WDHD1: variants seen among roughly 807,000 people sequenced by gnomAD.
WDHD1 encodes the protein WD repeat and HMG-box DNA-binding protein 1.
A neutral mutation model predicts 135.4 loss-of-function variants in WDHD1; 111 were observed. The observed-to-expected ratio is 0.82, with a 90% CI of 0.70 to 0.96. The LOEUF (loss-of-function observed/expected upper bound fraction) is 0.96. Among genes scored for constraint, WDHD1 ranks in the 40% least tolerant of loss-of-function variants. WDHD1 has a pLI of 0.00. For synonymous variants in WDHD1, 434 were observed against 439.0 expected, an observed-to-expected ratio of 0.99 and a Z score of 0.14; for missense variants, 1,351 against 1,336.3, an observed-to-expected ratio of 1.01 and a Z score of -0.17.
chr14:54,973,918 T>A (rs765182371), intron 16 of WDHD1, among the ~76,000 whole-genome samples: 3 of 152,164 alleles, frequency 2.0e-5, no homozygotes, highest in Non-Finnish European at 4.4e-5. Context: ...CATTTTTTTA[T>A]CCTTTCCTTA....
At chr14:54,976,074 C>T (rs987448975) in intron 16 of WDHD1, among the ~76,000 whole-genome samples, 1 of 152,092 alleles carries the variant, frequency 6.6e-6, no homozygotes, top group African/African-American at 2.4e-5. Flanking sequence ...AGGATTTCAG[C>T]CAGGATACCA....
intron 4 of WDHD1, 84 bp from the exon 5 acceptor site, chr14:55,008,803 T>A: frequency 9.0e-7 from 1 of 1,116,286 alleles, no homozygotes; most frequent in Non-Finnish European, 1.3e-6. Flanking sequence ...ATTTCTTTTT[T>A]TTTTTTTTTC....
chr14:54,975,747 C>A (rs1254439729), intron 16 of WDHD1, among the ~76,000 whole-genome samples: 1 of 151,826 alleles, frequency 6.6e-6, no homozygotes, highest in East Asian at 1.9e-4. Context: ...CCCAGGCTGT[C>A]TGCAAACTCC....
chr14:54,941,595 G>A lies in WDHD1; in HGVS notation c.3285C>T (p.Asn1095=). Residue 1095 remains asparagine, a synonymous_variant, in exon 26 of 26, where the codon AAC becomes AAT. Transcript: ENST00000360586. ...GGTTCTCTTTTGCTTTTTCTTCCTG[G>A]TTTTCTGTTTCATCACTTTCATCAA... ...RVVDESDETE[N]QEEKAKENLN... 6.2e-7 allele frequency: 1 copy of A among 1,613,782 alleles called. No homozygotes were observed. The highest frequency in any genetic ancestry group is 8.5e-7 in the Non-Finnish European group (1 of 1,179,912).
chr14:54,962,643 A>C (rs1232345207), intron 20 of WDHD1, 92 bp from the exon 21 acceptor site: 1 of 1,535,624 alleles, frequency 6.5e-7, no homozygotes, highest in Non-Finnish European at 9.0e-7. Context: ...GTCTGAAAAA[A>C]AGTATGAGTA....
chr14:55,000,644 C>A lies in WDHD1; in HGVS notation c.801G>T (p.Arg267Ser), dbSNP rs769556220. 1.3e-6 allele frequency: 2 copies of A among 1,533,216 alleles called. No individual in the cohort carries two copies. The highest frequency in any genetic ancestry group is 1.3e-5 in the South Asian group (1 of 74,458). The allele number at this position is 1,533,216 out of a possible 1,614,324, so 95.0% of individuals were successfully genotyped here. Residue 267 changes from arginine (R) to serine (S), a missense_variant and splice_region_variant, in exon 10 of 26, where the codon AGG (arginine) becomes AGT (serine). Transcript: ENST00000360586. ...TTGCATAACCTTTCTCATGTTTCAC[C>A]CTAAAAATTAAAAAGTAGGTTCTAA... is the stretch of plus-strand genomic sequence containing the variant. ...WNVETKDCME[R>S]VKHEKGYAIC...
chr14:54,974,303 T>C (rs2041486733), intron 16 of WDHD1, among the ~76,000 whole-genome samples: 1 of 151,750 alleles, frequency 6.6e-6, no homozygotes, highest in Admixed American at 6.6e-5. Context: ...CATGGCAGCA[T>C]GGACCTGTAG....
In WDHD1 at chr14:54,940,300, C is replaced by T. The variant is rs2040820333; in HGVS notation, c.*1190G>A. The stretch of plus-strand genomic sequence containing the variant: ...AACCTAGGTAATCTGGCTTTGGAAT[C>T]TGTGCTCATAACCACTGTGCTATAA... On this transcript the variant is annotated 3_prime_UTR_variant, in exon 26 of 26. Transcript: ENST00000360586. 6.6e-6 allele frequency: 1 copy of T among 152,164 alleles called. No homozygotes were observed. Among genetic ancestry groups the T allele is most frequent in the African/African-American group, 2.4e-5 (1 of 41,450 alleles). The allele number at this position is 152,164 out of a possible 1,614,324, so 9.4% of individuals were successfully genotyped here.
intron 11 of WDHD1, among the ~76,000 whole-genome samples, chr14:54,992,718 C>A (rs1319444029): frequency 6.6e-6 from 1 of 151,960 alleles, no homozygotes; most frequent in Non-Finnish European, 1.5e-5. Flanking sequence ...ATTTCAAGAC[C>A]AGCCTGGGCA....
intron 24 of WDHD1, among the ~76,000 whole-genome samples, chr14:54,947,656 A>G (rs1228948728): frequency 1.3e-5 from 2 of 151,972 alleles, no homozygotes; most frequent in African/African-American, 4.8e-5. Context: ...CAGTGGCACA[A>G]TCTTGGCTCA....
At chr14:54,958,148 C>T (rs1025544551) in intron 21 of WDHD1, among the ~76,000 whole-genome samples, 2 of 148,746 alleles carry the variant, frequency 1.3e-5, no homozygotes, top group African/African-American at 5.0e-5. Flanking sequence ...TTTTTTGAGA[C>T]AGAGTCTCGC....
At chr14:54,973,434 C>A (rs1455376136) in intron 16 of WDHD1, among the ~76,000 whole-genome samples, 1 of 152,040 alleles carries the variant, frequency 6.6e-6, no homozygotes, top group Non-Finnish European at 1.5e-5. Flanking sequence ...TCTGACTATA[C>A]AATAAAAATA....
At chr14:55,022,905 A>G (rs145470195) in intron 2 of WDHD1, among the ~76,000 whole-genome samples, 1 of 147,492 alleles carries the variant, frequency 6.8e-6, no homozygotes, top group African/African-American at 2.5e-5. Flanking sequence ...GCTCACTGCA[A>G]CCTCCACCTC....
intron 10 of WDHD1, among the ~76,000 whole-genome samples, chr14:54,997,694 C>T (rs879507302): frequency 6.6e-5 from 10 of 151,330 alleles, no homozygotes; most frequent in South Asian, 2.1e-4. Flanking sequence ...GGGCAGATCA[C>T]GAGGTCAGGA....
chr14:55,018,175 T>C (rs1015931597), intron 2 of WDHD1, among the ~76,000 whole-genome samples: 2 of 152,302 alleles, frequency 1.3e-5, no homozygotes, highest in East Asian at 3.9e-4. Context: ...ATTATTATTA[T>C]TAGAAACAAG....
intron 16 of WDHD1, among the ~76,000 whole-genome samples, chr14:54,967,646 G>T (rs553533101): frequency 6.6e-6 from 1 of 151,872 alleles, no homozygotes; most frequent in South Asian, 2.1e-4. Flanking sequence ...TTTGAGACAG[G>T]GTCTCACTGT....
At chr14:54,958,785 C>T (rs918595157) in intron 21 of WDHD1, among the ~76,000 whole-genome samples, 1 of 152,118 alleles carries the variant, frequency 6.6e-6, no homozygotes, top group East Asian at 1.9e-4. Context: ...GTTGGAGATT[C>T]CCTAGGCTTA....
intron 14 of WDHD1, among the ~76,000 whole-genome samples, chr14:54,986,053 G>C (rs991098408): frequency 2.0e-5 from 3 of 152,190 alleles, no homozygotes; most frequent in African/African-American, 7.2e-5. Flanking sequence ...GGAGACACAA[G>C]GAGAGGGTAG....
At position 54,984,718 on chromosome 14, in the gene WDHD1, C is replaced by T; in HGVS notation, c.1906+5G>A. ...ACTTGTTTTTTTTAAACAAATTTAT[C>T]TTGCCTTCAGCTGAAAACCCAATCC... On this transcript the variant is annotated splice_donor_5th_base_variant and intron_variant, in intron 15 of 25. Transcript: ENST00000360586. 6.3e-7 allele frequency: 1 copy of T among 1,594,042 alleles called. No homozygotes were observed. Among genetic ancestry groups the T allele is most frequent in the Non-Finnish European group, 8.5e-7 (1 of 1,174,684 alleles).
Sources: allele counts gnomAD v4.1 joint callset (sites outside exome capture counted in the v4.1 genomes callset), GRCh38; gene constraint gnomAD v4.1.1; transcripts MANE v1.5; gene names NCBI Gene and HGNC (gene_info 2026-07-23, HGNC 2026-07-21).